The following PARP2 variants were observed in gnomAD, a reference collection of about 807,000 sequenced individuals.
PARP2 encodes poly(ADP-ribose) polymerase 2, also known as poly [ADP-ribose] polymerase 2.
In PARP2, 57 loss-of-function variants were observed where a neutral mutation model predicts 77.8. That is an observed-to-expected ratio of 0.73 (90% CI 0.59 to 0.91). The LOEUF is 0.91. PARP2 is among the 40% of genes least tolerant of loss of function. PARP2 has a pLI of 0.00. For missense variants in PARP2, 651 were observed against 689.0 expected (o/e 0.94, Z 0.62); for synonymous variants, 226 against 242.6 (o/e 0.93, Z 0.64).
At chr14:20,350,805 C>T in intron 5 of PARP2, 183 bp downstream of exon 5, 1 of 605,694 alleles carries the variant, frequency 1.7e-6, no homozygotes, top group Non-Finnish European at 2.9e-6. Flanking sequence ...CTTAGAGTTC[C>T]CACTGGAAAA....
intron 8 of PARP2, 59 bp from the exon 9 acceptor site, chr14:20,354,750 A>C: frequency 6.7e-7 from 1 of 1,497,150 alleles, no homozygotes; most frequent in Non-Finnish European, 9.0e-7. Context: ...GAAGGATGTT[A>C]AGTACAGTTC....
chr14:20,346,995 A>G (rs1217930886), intron 4 of PARP2, 82 bp downstream of exon 4: 3 of 832,380 alleles, frequency 3.6e-6, no homozygotes, highest in Non-Finnish European at 5.7e-6. Context: ...CACAGTGTTC[A>G]GATCTTTAAA....
At chr14:20,352,635 G>A (rs140478470) in intron 7 of PARP2, 2 of 226,978 alleles carry the variant, frequency 8.8e-6, no homozygotes, top group East Asian at 1.0e-4. Context: ...CAGTCCTCTT[G>A]TCTTGGCCTC....
At chr14:20,349,274 T>C (rs148037232) in intron 4 of PARP2, among the ~76,000 whole-genome samples, 19 of 152,072 alleles carry the variant, frequency 1.2e-4, no homozygotes, top group African/African-American at 4.3e-4. Context: ...GAGCTGTGAT[T>C]GAGCCATTGC....
rs1394831329 is a variant in PARP2, at chr14:20,357,747, C to T, written c.1663C>T (p.Arg555Cys). The change falls in exon 16 of 16, where the codon CGT becomes TGT. Residue 555 changes from arginine to cysteine, a missense_variant. Arg to Cys is a radical substitution (Grantham distance 180). Coordinates refer to ENST00000429687, the MANE Select transcript of PARP2 (RefSeq NM_001042618.2). ...TATTGTATATAACCCCAACCAGGTCCGTATGCGGTACCTTTTAAAGGTTCA... is the reference window on the plus strand; with the variant it reads ...TATTGTATATAACCCCAACCAGGTCTGTATGCGGTACCTTTTAAAGGTTCA... ...EYIVYNPNQV[R>C]MRYLLKVQFN... 2.5e-6 allele frequency: 4 copies of T among 1,613,634 alleles called. No individual in the cohort carries two copies. Among genetic ancestry groups the T allele is most frequent in the East Asian group, 2.2e-5 (1 of 44,890 alleles).
intron 3 of PARP2, 49 bp downstream of exon 3, chr14:20,345,513 A>G (rs3093890): frequency 0.24 from 336,033 of 1,373,414 alleles, 43,511 homozygotes; most frequent in South Asian, 0.33. Context: ...CTCAGAGAGC[A>G]TCCTTTGTTA....
At chr14:20,349,751 G>T (rs1051020293) in intron 4 of PARP2, among the ~76,000 whole-genome samples, 1 of 151,430 alleles carries the variant, frequency 6.6e-6, no homozygotes, top group Non-Finnish European at 1.5e-5. Context: ...GGCTAAGGTC[G>T]TACAATGGCT....
chr14:20,345,599 C>T (rs1229071148), intron 3 of PARP2, 135 bp downstream of exon 3: 1 of 641,472 alleles, frequency 1.6e-6, no homozygotes, highest in Non-Finnish European at 2.8e-6. Flanking sequence ...GAGTAGTTTT[C>T]TCTAATGGCA....
intron 4 of PARP2, among the ~76,000 whole-genome samples, chr14:20,347,826 A>G (rs1213153861): frequency 6.6e-6 from 1 of 150,930 alleles, no homozygotes; most frequent in African/African-American, 2.4e-5. Context: ...CAAATTTCAT[A>G]TCATTTATTG....
chr14:20,351,394 G>T (rs1292605737), intron 6 of PARP2, among the ~76,000 whole-genome samples: 2 of 152,028 alleles, frequency 1.3e-5, no homozygotes, highest in Non-Finnish European at 2.9e-5. Flanking sequence ...GGCCAGGCTG[G>T]TCTCGAACCC....
chr14:20,347,027 A>T (rs61026915), intron 4 of PARP2, 114 bp downstream of exon 4: 6,548 of 586,506 alleles, frequency 0.011, 76 homozygotes, highest in African/African-American at 0.057. Context: ...TTTTTTTTTT[A>T]AATTTTGTTT....
chr14:20,347,354 GTGTATATATATATATATATATA>G (rs1883773004), intron 4 of PARP2, among the ~76,000 whole-genome samples: 1 of 43,956 alleles, frequency 2.3e-5, no homozygotes. Flanking sequence ...ATATGTGTGT[GTGTATATATATATATATATATA>G]TATATATATA....
intron 3 of PARP2, among the ~76,000 whole-genome samples, chr14:20,345,931 A>AT (rs1242428149): frequency 6.6e-6 from 1 of 152,164 alleles, no homozygotes; most frequent in African/African-American, 2.4e-5. Flanking sequence ...GGGAGGTGTC[A>AT]CACGCTTTTA....
chr14:20,346,321 CTTTTTTTTTTTTT>C (rs71108595), intron 3 of PARP2, among the ~76,000 whole-genome samples: 1 of 90,858 alleles, frequency 1.1e-5, no homozygotes, highest in Non-Finnish European at 2.0e-5. Context: ...CAGTTAGAAT[CTTTTTTTTTTTTT>C]TTTTTTTTTT....
chr14:20,355,487 T>C (rs1884112104), intron 9 of PARP2: 1 of 270,106 alleles, frequency 3.7e-6, no homozygotes, highest in Non-Finnish European at 6.9e-6. Flanking sequence ...TATAACTTAT[T>C]TTTAAATGAT....
rs770678068 is a variant in PARP2, at chr14:20,357,476, G to A, written c.1509G>A (p.Lys503=). The change falls in exon 15 of 16, where the codon AAG becomes AAA. Residue 503 remains lysine (K), a synonymous_variant. Transcript: ENST00000429687. ...TGCTTCAAGGTAAACATAGCACCAA[G>A]GGGCTGGGCAAGATGGCTCCCAGTT... The part of the protein sequence containing the change: ...EGLLQGKHST[K]GLGKMAPSSA... 1 of 1,613,920 alleles carries A rather than the reference G, an allele frequency of 6.2e-7. No homozygotes were observed. The highest frequency in any genetic ancestry group is 1.7e-5 in the Admixed American group (1 of 59,920).
At chr14:20,351,701 G>A (rs547785930) in intron 6 of PARP2, among the ~76,000 whole-genome samples, 10 of 151,850 alleles carry the variant, frequency 6.6e-5, no homozygotes, top group South Asian at 2.1e-4. Flanking sequence ...TGGGATAAGT[G>A]GAGACTATCC....
chr14:20,355,522 A>G, intron 9 of PARP2: 1 of 338,028 alleles, frequency 3.0e-6, no homozygotes, highest in Non-Finnish European at 5.3e-6. Flanking sequence ...TTTTAACTCT[A>G]GTCTCAAAAG....
At chr14:20,348,155 T>A (rs1250165085) in intron 4 of PARP2, among the ~76,000 whole-genome samples, 2 of 152,208 alleles carry the variant, frequency 1.3e-5, no homozygotes, top group Non-Finnish European at 2.9e-5. Flanking sequence ...ATTACAGGGA[T>A]GAGCCACTGG....
Sources: allele counts gnomAD v4.1 joint callset (sites outside exome capture counted in the v4.1 genomes callset), GRCh38; gene constraint gnomAD v4.1.1; transcripts MANE v1.5; gene names NCBI Gene and HGNC (gene_info 2026-07-23, HGNC 2026-07-21).